The following SF3A2 variants were observed in gnomAD, a reference collection of about 807,000 sequenced individuals.
SF3A2 encodes the protein splicing factor 3a subunit 2.
A neutral mutation model predicts 31.1 loss-of-function variants in SF3A2; 5 were observed. That is an observed-to-expected ratio of 0.16 (90% confidence interval 0.08 to 0.34). The LOEUF is 0.34. SF3A2 is among the 10% of genes least tolerant of loss of function. SF3A2 has a pLI of 1.00. For missense variants in SF3A2, 577 were observed against 643.9 expected (o/e 0.90, Z 1.13); for synonymous variants, 365 against 263.7 (o/e 1.38, Z -3.72).
chr19:2,246,725 C>T lies in SF3A2; in HGVS notation c.356-28C>T, dbSNP rs192853994. 505 of 1,613,632 alleles carry T rather than the reference C, an allele frequency of 3.1e-4. 2 individuals are homozygous for T. The African/African-American group carries it at 4.7e-3, about 15-fold the overall frequency. On this transcript the variant is annotated intron_variant, in intron 5 of 8. Transcript: ENST00000221494. The surrounding 1 kb of genome is among the most constrained non-coding windows in gnomAD (Gnocchi z 5.5). The stretch of plus-strand genomic sequence containing the variant: ...CTCAGCTTCGGAGAGGACAAGCAGC[C>T]GGGACCTGAGAGCTTTCTGTGTTGC...
At position 2,246,353 on chromosome 19, in the gene SF3A2, A is replaced by G. The variant is rs1568389773; in HGVS notation, c.356-400A>G. Among the ~76,000 whole-genome samples the G allele has an allele frequency of 6.6e-6, 1 of 152,080 alleles. No individual in the cohort carries two copies. Among genetic ancestry groups the G allele is most frequent in the African/African-American group, 2.4e-5 (1 of 41,400 alleles). On this transcript the variant is annotated intron_variant, in intron 5 of 8. Coordinates refer to ENST00000221494, the MANE Select transcript of SF3A2 (RefSeq NM_007165.5). The surrounding 1 kb of genome is among the most constrained non-coding windows in gnomAD (Gnocchi z 5.5). The stretch of plus-strand genomic sequence containing the variant: ...GCTGCTGAGCTCTGGCGGGAAGGGC[A>G]TCCTCTCTCGCTCACCGTATACATG...
Position 2,247,813 on chromosome 19 carries a change from C to G in SF3A2, c.662C>G (p.Pro221Arg). Residue 221 changes from proline to arginine, a missense_variant, in exon 9 of 9, where the codon CCC (proline) becomes CGC (arginine). Physicochemically the swap from Pro to Arg is moderately radical, Grantham distance 103. Transcript: ENST00000221494. ...HFKMEKPPAP[P>R]SLPAGPPGVK... ...AAGATGGAGAAGCCCCCGGCTCCAC[C>G]CAGCCTCCCTGCTGGCCCCCCTGGG... is the stretch of plus-strand genomic sequence containing the variant. The G allele has an allele frequency of 6.2e-7, 1 of 1,608,970 alleles. No individual in the cohort carries two copies. The highest frequency in any genetic ancestry group is 8.5e-7 in the Non-Finnish European group (1 of 1,178,660).
chr19:2,248,078 C>CCCCCCAGCTCCTGGCGTCCAT lies in SF3A2; in HGVS notation c.936_956dup (p.Ala319_Pro325dup), dbSNP rs754435385. 3 of 907,456 alleles carry CCCCCCAGCTCCTGGCGTCCAT rather than the reference C, an allele frequency of 3.3e-6. No homozygotes were observed. The highest frequency in any genetic ancestry group is 1.4e-5 in the South Asian group (1 of 69,694). 56.2% of individuals were successfully genotyped at this position (907,456 alleles called of 1,614,324 possible). On this transcript the variant is annotated inframe_insertion, in exon 9 of 9. Transcript: ENST00000221494. ...TCCATCCCCCAGCTCCTGGCGTCCA[C>CCCCCCAGCTCCTGGCGTCCAT]CCCCCAGCTCCTGGCGTCCATCCCC...
chr19:2,241,283 A>G lies in SF3A2; in HGVS notation c.-37-2099A>G, dbSNP rs2145008628. 2.0e-5 allele frequency among the ~76,000 whole-genome samples: 3 copies of G among 152,092 alleles called. No individual in the cohort carries two copies. The South Asian group carries it at 6.2e-4, about 32-fold the overall frequency. On this transcript the variant is annotated intron_variant, in intron 1 of 8. Transcript: ENST00000221494. Reference sequence around the variant, plus strand: ...GGAGTGCATCCGTGAAAGAAGGCCGATTCCCTGCCTTCTCACACGTTCCCC... The same window carrying G: ...GGAGTGCATCCGTGAAAGAAGGCCGGTTCCCTGCCTTCTCACACGTTCCCC...
rs1349932606 is a variant in SF3A2, at chr19:2,247,929, C to T, written c.778C>T (p.Pro260Ser). ...GCCACCGCCCCCGCCAGGAGGCCTG[C>T]CTCTGCCACCCATGCCCCCCACAGG... ...SLPPPPPGGL[P>S]LPPMPPTGPA... Residue 260 changes from proline (P) to serine (S), a missense_variant, in exon 9 of 9, where the codon CCT (proline) becomes TCT (serine). Transcript: ENST00000221494. The T allele has an allele frequency of 1.3e-6, 2 of 1,534,708 alleles. No individual in the cohort carries two copies. Among genetic ancestry groups the T allele is most frequent in the Non-Finnish European group, 1.8e-6 (2 of 1,126,478 alleles).
intron 2 of SF3A2, among the ~76,000 whole-genome samples, chr19:2,244,009 T>C (rs2024911371): frequency 6.6e-6 from 1 of 152,136 alleles, no homozygotes; most frequent in Non-Finnish European, 1.5e-5. Flanking sequence ...GATGAGGTCA[T>C]GGGTAGAGGG....
intron 1 of SF3A2, among the ~76,000 whole-genome samples, chr19:2,239,829 T>A (rs1321964700): frequency 1.3e-5 from 2 of 152,196 alleles, no homozygotes; most frequent in Non-Finnish European, 2.9e-5. Context: ...TGGAATTTTT[T>A]GTTTGGATCG....
At chr19:2,238,731 C>T (rs72985486) in intron 1 of SF3A2, among the ~76,000 whole-genome samples, 3,486 of 152,322 alleles carry the variant, frequency 0.023, 61 homozygotes, top group Middle Eastern at 0.058. Flanking sequence ...TCTCACACAC[C>T]TATCAGTTGT....
At chr19:2,243,276 G>A in intron 1 of SF3A2, 106 bp from the exon 2 acceptor site, 1 of 889,646 alleles carries the variant, frequency 1.1e-6, no homozygotes, top group Non-Finnish European at 1.6e-6. Flanking sequence ...TGGGAGTGCA[G>A]GGTGAGGGGC....
Position 2,245,187 on chromosome 19 carries a change from T to TG in SF3A2, c.246-259_246-258insG. On this transcript the variant is annotated intron_variant, in intron 4 of 8. Transcript: ENST00000221494. The surrounding 1 kb of genome is among the most constrained non-coding windows in gnomAD (Gnocchi z 4.2). ...CGACAGAGTGAGACTCTTGTCTTAT[T>TG]AAAAAAAAAAAAAAAGAGCAGAGGC... 2.5e-6 allele frequency: 1 copy of TG among 407,378 alleles called. No homozygotes were observed. Among genetic ancestry groups the TG allele is most frequent in the Non-Finnish European group, 4.3e-6 (1 of 231,282 alleles). 25.2% of individuals were successfully genotyped at this position (407,378 alleles called of 1,614,324 possible). A position where few individuals can be genotyped will look rare whatever the true frequency, so the allele number is the denominator to read the frequency against.
chr19:2,241,966 A>G (rs1362244655), intron 1 of SF3A2, among the ~76,000 whole-genome samples: 1 of 152,170 alleles, frequency 6.6e-6, no homozygotes, highest in Non-Finnish European at 1.5e-5. Context: ...GATCATTTTC[A>G]TAAACTTGCC....
At position 2,248,361 on chromosome 19, in the gene SF3A2, GC is replaced by G; in HGVS notation, c.1214del (p.Pro405ArgfsTer41). On this transcript the variant is annotated frameshift_variant, in exon 9 of 9. Transcript: ENST00000221494. LOFTEE classifies it high-confidence loss of function. Reference sequence around the variant, plus strand: ...ACCAGCCCCAGGGATGCACCCTCAGGCCCCGGGGGTCCACCCCCAACCTCCC... The same window carrying G: ...ACCAGCCCCAGGGATGCACCCTCAGGCCCGGGGGTCCACCCCCAACCTCCC... ...HPPAPGMHPQ[A>X]PGVHPQPPGV... is the part of the protein sequence containing the mutation. 1 of 1,378,410 alleles carries G rather than the reference GC, an allele frequency of 7.3e-7. No homozygotes were observed. Among genetic ancestry groups the G allele is most frequent in the Non-Finnish European group, 9.3e-7 (1 of 1,070,886 alleles). The allele number at this position is 1,378,410 out of a possible 1,614,324, so 85.4% of individuals were successfully genotyped here.
At chr19:2,243,113 G>A (rs2024905034) in intron 1 of SF3A2, among the ~76,000 whole-genome samples, 1 of 152,164 alleles carries the variant, frequency 6.6e-6, no homozygotes, top group Admixed American at 6.5e-5. Flanking sequence ...ACCCTGGGCT[G>A]GAGCGGCTTC....
In SF3A2 at chr19:2,245,150, C is replaced by T. The variant is rs111851969; in HGVS notation, c.246-296C>T. The T allele has an allele frequency of 2.1e-4, 104 of 498,284 alleles. No homozygotes were observed. Among genetic ancestry groups the T allele is most frequent in the African/African-American group, 1.4e-3 (71 of 51,468 alleles). The allele number at this position is 498,284 out of a possible 1,614,324, so 30.9% of individuals were successfully genotyped here. On this transcript the variant is annotated intron_variant, in intron 4 of 8. Coordinates refer to ENST00000221494, the MANE Select transcript of SF3A2 (RefSeq NM_007165.5). The surrounding 1 kb of genome is among the most constrained non-coding windows in gnomAD (Gnocchi z 4.2). ...AGTGAACCAAGGTGCTGCCACTGTA[C>T]TCCATCCTGGGCGACAGAGTGAGAC...
Position 2,245,226 on chromosome 19 carries a change from A to G in SF3A2, c.246-220A>G. 1 of 533,238 alleles carries G rather than the reference A, an allele frequency of 1.9e-6. No homozygotes were observed. Among genetic ancestry groups the G allele is most frequent in the South Asian group, 2.9e-5 (1 of 34,612 alleles). 33.0% of individuals were successfully genotyped at this position (533,238 alleles called of 1,614,324 possible). On this transcript the variant is annotated intron_variant, in intron 4 of 8. Coordinates refer to ENST00000221494, the MANE Select transcript of SF3A2 (RefSeq NM_007165.5). This position sits in a 1 kb window ranked among gnomAD's most constrained non-coding sequence, Gnocchi z 4.2. ...AAGAGCAGAGGCATGGAGTTGTTGG[A>G]AGGGCCCCAGCCAGGGACAGTGAGG...
chr19:2,245,150 C>G lies in SF3A2; in HGVS notation c.246-296C>G, dbSNP rs111851969. ...AGTGAACCAAGGTGCTGCCACTGTA[C>G]TCCATCCTGGGCGACAGAGTGAGAC... On this transcript the variant is annotated intron_variant, in intron 4 of 8. Transcript: ENST00000221494. This position sits in a 1 kb window ranked among gnomAD's most constrained non-coding sequence, Gnocchi z 4.2. 8.0e-6 allele frequency: 4 copies of G among 498,166 alleles called. No individual in the cohort carries two copies. In the Admixed American group the frequency reaches 1.5e-4, roughly 18 times the overall value. The allele number at this position is 498,166 out of a possible 1,614,324, so 30.9% of individuals were successfully genotyped here. A position where few individuals can be genotyped will look rare whatever the true frequency, so the allele number is the denominator to read the frequency against.
intron 1 of SF3A2, among the ~76,000 whole-genome samples, chr19:2,239,559 T>C (rs976465571): frequency 2.6e-5 from 4 of 152,190 alleles, no homozygotes; most frequent in African/African-American, 9.7e-5. Flanking sequence ...ACCGGGGATC[T>C]TTTTATTTGC....
rs1364385735 is a variant in SF3A2 at position 2,246,054 on chromosome 19, G to A, written c.355+499G>A. On this transcript the variant is annotated intron_variant, in intron 5 of 8. Coordinates refer to ENST00000221494, the MANE Select transcript of SF3A2 (RefSeq NM_007165.5). The surrounding 1 kb of genome is among the most constrained non-coding windows in gnomAD (Gnocchi z 5.5). ...TTGTGTCCATAGGGTTCAGGAAGGC[G>A]GGCACGCTACCCAGCAAGTGTTCTT... Among the ~76,000 whole-genome samples, 5 of 152,196 alleles carry A rather than the reference G, an allele frequency of 3.3e-5. No individual in the cohort carries two copies. Among genetic ancestry groups the A allele is most frequent in the Admixed American group, 2.0e-4 (3 of 15,286 alleles).
At position 2,247,814 on chromosome 19, in the gene SF3A2, C is replaced by T. The variant is rs748752147; in HGVS notation, c.663C>T (p.Pro221=). The change falls in exon 9 of 9, where the codon CCC becomes CCT. Residue 221 remains proline (P), a synonymous_variant. Transcript: ENST00000221494. ...HFKMEKPPAP[P]SLPAGPPGVK... ...AGATGGAGAAGCCCCCGGCTCCACC[C>T]AGCCTCCCTGCTGGCCCCCCTGGGG... 1 of 1,608,760 alleles carries T rather than the reference C, an allele frequency of 6.2e-7. No homozygotes were observed. Among genetic ancestry groups the T allele is most frequent in the Non-Finnish European group, 8.5e-7 (1 of 1,178,538 alleles).
Sources: allele counts gnomAD v4.1 joint callset (sites outside exome capture counted in the v4.1 genomes callset), GRCh38; gene constraint gnomAD v4.1.1; non-coding constraint Gnocchi (gnomAD v3.1); transcripts MANE v1.5; gene names NCBI Gene and HGNC (gene_info 2026-07-23, HGNC 2026-07-21).